Variants in LMO7 observed in about 807,000 individuals in gnomAD.
LMO7 encodes LIM domain 7, also known as LIM domain only protein 7.
LMO7 carries 120 observed loss-of-function variants against 206.5 expected under a neutral mutation model. That is an observed-to-expected ratio of 0.58 (90% CI 0.50 to 0.68). The LOEUF is 0.68. Ranked by LOEUF, LMO7 falls within the 30% of genes least tolerant of loss-of-function variation. LMO7 has a pLI of 0.00. For missense variants in LMO7, 1,959 were observed against 1,957.9 expected (o/e 1.00, Z -0.01); for synonymous variants, 706 against 681.5 (o/e 1.04, Z -0.56).
chr13:75,734,346 C>G (rs1377999370), intron 3 of LMO7, among the ~76,000 whole-genome samples: 2 of 152,104 alleles, frequency 1.3e-5, no homozygotes, highest in Non-Finnish European at 2.9e-5. Context: ...GTTAGAAATC[C>G]TTAAAAATCA....
Position 75,713,176 on chromosome 13 carries a change from T to G in LMO7, c.70-6T>G. Reference sequence around the variant, plus strand: ...GAGAAAATTAACAACCAAACCTATCTTTCAGGCAGTAACAGAGAAGAATTT... The same window carrying G: ...GAGAAAATTAACAACCAAACCTATCGTTCAGGCAGTAACAGAGAAGAATTT... On this transcript the variant is annotated splice_polypyrimidine_tract_variant and splice_region_variant and intron_variant, in intron 1 of 30. Transcript: ENST00000377534. The G allele has an allele frequency of 6.2e-7, 1 of 1,610,968 alleles. No homozygotes were observed. The highest frequency in any genetic ancestry group is 8.5e-7 in the Non-Finnish European group (1 of 1,178,166).
At position 75,664,066 on chromosome 13, in the gene LMO7, T is replaced by C. The variant is rs1326639791; in HGVS notation, c.69+27340T>C. The stretch of plus-strand genomic sequence containing the variant: ...ACAATCACCCTGTTATCCTAGCAAA[T>C]ACTAGGACTTATTCCTTCTTTTGAT... On this transcript the variant is annotated intron_variant, in intron 1 of 30. Coordinates refer to ENST00000377534, the MANE Select transcript of LMO7 (RefSeq NM_001306080.2). Among the ~76,000 whole-genome samples, 5 of 152,266 alleles carry C rather than the reference T, an allele frequency of 3.3e-5. No homozygotes were observed. In the East Asian group the frequency reaches 9.7e-4, roughly 29 times the overall value.
intron 1 of LMO7, among the ~76,000 whole-genome samples, chr13:75,708,945 C>T (rs138575831): frequency 0.046 from 7,016 of 152,052 alleles, 291 homozygotes; most frequent in African/African-American, 0.1. Context: ...TATCCCTCCC[C>T]GCTCCCCCCA....
chr13:75,640,030 C>T (rs769530010), intron 1 of LMO7, among the ~76,000 whole-genome samples: 10 of 152,172 alleles, frequency 6.6e-5, no homozygotes, highest in Non-Finnish European at 1.2e-4. Flanking sequence ...TGCTGTTCAC[C>T]ACCTTTTAAC....
intron 2 of LMO7, among the ~76,000 whole-genome samples, chr13:75,724,397 GA>G (rs1171540455): frequency 4.6e-5 from 7 of 151,998 alleles, no homozygotes; most frequent in Non-Finnish European, 8.8e-5. Context: ...AATACAGGCT[GA>G]AAAAATGGCT....
intron 12 of LMO7, among the ~76,000 whole-genome samples, chr13:75,817,545 G>A (rs1208966586): frequency 6.6e-6 from 1 of 152,030 alleles, no homozygotes; most frequent in Non-Finnish European, 1.5e-5. Context: ...CTTCCTTGCA[G>A]TATAGTGAAC....
In LMO7 at chr13:75,841,755, A is replaced by C; in HGVS notation, c.3803A>C (p.Glu1268Ala). ...SDREGTRAGE[E>A]ERRQPQEEVV... ...AGAGAAGGAACCCGAGCAGGAGAAG[A>C]GGAGAGGAGACAGCCACAAGAGGAA... Residue 1268 changes from glutamate (E) to alanine (A), a missense_variant, in exon 24 of 31, where the codon GAG becomes GCG. Glu to Ala is a moderately radical substitution (Grantham distance 107). Coordinates refer to ENST00000377534, the MANE Select transcript of LMO7 (RefSeq NM_001306080.2). 1 of 1,614,098 alleles carries C rather than the reference A, an allele frequency of 6.2e-7. No individual in the cohort carries two copies. The highest frequency in any genetic ancestry group is 8.5e-7 in the Non-Finnish European group (1 of 1,179,998).
chr13:75,714,889 TA>T (rs879473668), intron 2 of LMO7, among the ~76,000 whole-genome samples: 186 of 142,818 alleles, frequency 1.3e-3, no homozygotes, highest in Admixed American at 1.1e-3. Flanking sequence ...ATGTTTGCAG[TA>T]AAAAAAAAAA....
At chr13:75,776,689 TC>T (rs1397715810) in intron 4 of LMO7, among the ~76,000 whole-genome samples, 1 of 152,170 alleles carries the variant, frequency 6.6e-6, no homozygotes, top group African/African-American at 2.4e-5. Context: ...ACAATTCTAA[TC>T]GAGGTAATAC....
At chr13:75,673,107 C>CATCT (rs2039728291) in intron 1 of LMO7, among the ~76,000 whole-genome samples, 1 of 152,104 alleles carries the variant, frequency 6.6e-6, no homozygotes, top group African/African-American at 2.4e-5. Flanking sequence ...TAAAATCATC[C>CATCT]ATCTATCTGG....
intron 18 of LMO7, 50 bp from the exon 19 acceptor site, chr13:75,836,347 G>A: frequency 9.8e-7 from 1 of 1,017,256 alleles, no homozygotes; most frequent in South Asian, 1.5e-5. Context: ...ATTATTTAAG[G>A]CCAAAGTCCA....
intron 2 of LMO7, among the ~76,000 whole-genome samples, chr13:75,629,469 T>C (rs1291980721): frequency 6.6e-6 from 1 of 152,138 alleles, no homozygotes; most frequent in East Asian, 1.9e-4. Flanking sequence ...AGCTTTTTGA[T>C]TTCTGAGAAG....
In LMO7 at chr13:75,689,910, A is replaced by G. The variant is rs148565948; in HGVS notation, c.70-23272A>G. Among the ~76,000 whole-genome samples the G allele has an allele frequency of 5.7e-3, 873 of 152,170 alleles. 7 individuals carry two copies. Among genetic ancestry groups the G allele is most frequent in the African/African-American group, 0.02 (840 of 41,500 alleles). ...CTTGACCTTGTGATCCTGTGAGTCA[A>G]TACTCCTTATTAAACCATATATACA... On this transcript the variant is annotated intron_variant, in intron 1 of 30. Coordinates refer to ENST00000377534, the MANE Select transcript of LMO7 (RefSeq NM_001306080.2).
intron 1 of LMO7, among the ~76,000 whole-genome samples, chr13:75,670,170 G>A (rs1400335636): frequency 6.6e-6 from 1 of 152,220 alleles, no homozygotes; most frequent in African/African-American, 2.4e-5. Flanking sequence ...CGATTGTTGG[G>A]AAGATGCTAG....
intron 2 of LMO7, among the ~76,000 whole-genome samples, chr13:75,720,773 C>T (rs142083797): frequency 6.6e-6 from 1 of 152,276 alleles, no homozygotes; most frequent in Non-Finnish European, 1.5e-5. Flanking sequence ...CACACTTTCC[C>T]ATCTTAGCAT....
chr13:75,842,059 C>T (rs1451370309), intron 24 of LMO7, 76 bp downstream of exon 24: 5 of 1,088,386 alleles, frequency 4.6e-6, no homozygotes, highest in Non-Finnish European at 6.6e-6. Context: ...GCTTGCTCTT[C>T]CTGTTTCCTA....
intron 11 of LMO7, among the ~76,000 whole-genome samples, chr13:75,815,107 G>A (rs1368879446): frequency 2.0e-5 from 3 of 152,176 alleles, no homozygotes; most frequent in East Asian, 1.9e-4. Flanking sequence ...TCTGGCTGCT[G>A]TTGGGTAGGA....
At chr13:75,692,385 GT>G (rs998541756) in intron 1 of LMO7, among the ~76,000 whole-genome samples, 4 of 150,294 alleles carry the variant, frequency 2.7e-5, no homozygotes, top group African/African-American at 9.8e-5. Flanking sequence ...CCTTAAATAT[GT>G]TTCTTTTCCT....
At chr13:75,738,319 A>G (rs775365419) in intron 3 of LMO7, among the ~76,000 whole-genome samples, 1 of 152,230 alleles carries the variant, frequency 6.6e-6, no homozygotes, top group Non-Finnish European at 1.5e-5. Flanking sequence ...TGTCAGGGCA[A>G]TGGATTTACC....
Sources: allele counts gnomAD v4.1 joint callset (sites outside exome capture counted in the v4.1 genomes callset), GRCh38; gene constraint gnomAD v4.1.1; transcripts MANE v1.5; gene names NCBI Gene and HGNC (gene_info 2026-07-23, HGNC 2026-07-21).